The following KCNQ1OT1 variants were observed in gnomAD, a reference collection of about 807,000 sequenced individuals.
The protein encoded by KCNQ1OT1 is KCNQ1 opposite strand/antisense transcript 1, also known as KCNQ1 antisense RNA 2 (non-protein coding).
At chr11:2,693,944 T>G (rs371704240) in exon 1 of KCNQ1OT1, 2 of 398,580 alleles carry the variant, frequency 5.0e-6, no homozygotes, top group Non-Finnish European at 8.8e-6. Context: ...TGAGAACCAC[T>G]CATTCATCAG....
Position 2,682,808 on chromosome 11 carries a change from A to G in KCNQ1OT1, n.17187T>C. On this transcript the variant is annotated non_coding_transcript_exon_variant, in exon 1 of 1. Transcript: ENST00000597346. This position sits in a 1 kb window ranked among gnomAD's most constrained non-coding sequence, Gnocchi z 5.8. ...GGCACCATGAAATGCAGTGACTTGC[A>G]GTGATCCTCCTGGGGCCTTGTATAG... 2.5e-6 allele frequency: 1 copy of G among 398,672 alleles called. No individual in the cohort carries two copies. Among genetic ancestry groups the G allele is most frequent in the South Asian group, 1.3e-4 (1 of 7,862 alleles). The allele number at this position is 398,672 out of a possible 1,614,324, so 24.7% of individuals were successfully genotyped here.
Position 2,613,507 on chromosome 11 carries a change from G to A in KCNQ1OT1, n.86488C>T, listed in dbSNP as rs1371534391. 2 of 398,494 alleles carry A rather than the reference G, an allele frequency of 5.0e-6. No homozygotes were observed. The highest frequency in any genetic ancestry group is 8.8e-6 in the Non-Finnish European group (2 of 226,042). The allele number at this position is 398,494 out of a possible 1,614,324, so 24.7% of individuals were successfully genotyped here. A position where few individuals can be genotyped will look rare whatever the true frequency, so the allele number is the denominator to read the frequency against. The stretch of plus-strand genomic sequence containing the variant: ...TCAAGCCTACCGTGCCCCTGAGCTT[G>A]GGTGGGGAGATGGCAGCCCCACGTT... On this transcript the variant is annotated non_coding_transcript_exon_variant, in exon 1 of 1. Coordinates refer to ENST00000597346, the Ensembl canonical transcript of KCNQ1OT1. The surrounding 1 kb of genome is among the most constrained non-coding windows in gnomAD (Gnocchi z 4.8).
chr11:2,621,360 A>G lies in KCNQ1OT1; in HGVS notation n.78635T>C, dbSNP rs927323934. The G allele has an allele frequency of 1.0e-5, 4 of 398,430 alleles. No homozygotes were observed. Among genetic ancestry groups the G allele is most frequent in the Non-Finnish European group, 1.8e-5 (4 of 226,052 alleles). The allele number at this position is 398,430 out of a possible 1,614,324, so 24.7% of individuals were successfully genotyped here. ...TTCTGTATTTTCTTTTAAGAAATGTATGTTCCTGTCCTTTGCCAATTCAAT... is the reference window on the plus strand; with the variant it reads ...TTCTGTATTTTCTTTTAAGAAATGTGTGTTCCTGTCCTTTGCCAATTCAAT... On this transcript the variant is annotated non_coding_transcript_exon_variant, in exon 1 of 1. Coordinates refer to ENST00000597346, the Ensembl canonical transcript of KCNQ1OT1. This position sits in a 1 kb window ranked among gnomAD's most constrained non-coding sequence, Gnocchi z 5.7.
Position 2,645,791 on chromosome 11 carries a change from G to T in KCNQ1OT1, n.54204C>A, listed in dbSNP as rs1590002248. ...GTGGGGCCCACAGCAGATGCAGTCT[G>T]GTGGGGGTTGGGCTATCAAAATGGG... On this transcript the variant is annotated non_coding_transcript_exon_variant, in exon 1 of 1. Coordinates refer to ENST00000597346, the Ensembl canonical transcript of KCNQ1OT1. The surrounding 1 kb of genome is among the most constrained non-coding windows in gnomAD (Gnocchi z 5.8). 18 of 398,732 alleles carry T rather than the reference G, an allele frequency of 4.5e-5. No homozygotes were observed. The East Asian group carries it at 6.4e-4, about 14-fold the overall frequency. 24.7% of individuals were successfully genotyped at this position (398,732 alleles called of 1,614,324 possible).
rs190337886 is a variant in KCNQ1OT1 at position 2,669,110 on chromosome 11, T to C, written n.30885A>G. The C allele has an allele frequency of 3.5e-3, 1,414 of 398,712 alleles. 14 individuals are homozygous for C. The highest frequency in any genetic ancestry group is 0.018 in the African/African-American group (880 of 48,756). The allele number at this position is 398,712 out of a possible 1,614,324, so 24.7% of individuals were successfully genotyped here. A position where few individuals can be genotyped will look rare whatever the true frequency, so the allele number is the denominator to read the frequency against. On this transcript the variant is annotated non_coding_transcript_exon_variant, in exon 1 of 1. Coordinates refer to ENST00000597346, the Ensembl canonical transcript of KCNQ1OT1. This position sits in a 1 kb window ranked among gnomAD's most constrained non-coding sequence, Gnocchi z 5.6. ...CTTTACAATCAGCTCACTGGCTACG[T>C]GTGGCTCTGTTTCTGGACCCTATTG... is the stretch of plus-strand genomic sequence containing the variant.
exon 1 of KCNQ1OT1, chr11:2,684,767 G>A: frequency 2.5e-6 from 1 of 398,648 alleles, no homozygotes; most frequent in Non-Finnish European, 4.4e-6. Context: ...AGGGAGGACT[G>A]CCTCCCAGCC....
Position 2,620,825 on chromosome 11 carries a change from C to G in KCNQ1OT1, n.79170G>C, listed in dbSNP as rs1176906702. The G allele has an allele frequency of 5.0e-6, 2 of 398,488 alleles. No homozygotes were observed. The highest frequency in any genetic ancestry group is 8.8e-6 in the Non-Finnish European group (2 of 226,092). The allele number at this position is 398,488 out of a possible 1,614,324, so 24.7% of individuals were successfully genotyped here. ...CCTGCCAACAGTGTATAAGCGTTCC[C>G]TTTTCTCTGCAGCCTTCCCAGCAAC... On this transcript the variant is annotated non_coding_transcript_exon_variant, in exon 1 of 1. Transcript: ENST00000597346. This position sits in a 1 kb window ranked among gnomAD's most constrained non-coding sequence, Gnocchi z 4.5.
exon 1 of KCNQ1OT1, chr11:2,686,325 C>A (rs1850489171): frequency 2.5e-6 from 1 of 398,726 alleles, no homozygotes; most frequent in East Asian, 3.6e-5. Context: ...CCTGGCCCGT[C>A]CCACCTGTTC....
At position 2,679,148 on chromosome 11, in the gene KCNQ1OT1, T is replaced by G. The variant is rs1564855679; in HGVS notation, n.20847A>C. The G allele has an allele frequency of 2.5e-6, 1 of 398,660 alleles. No homozygotes were observed. Among genetic ancestry groups the G allele is most frequent in the Non-Finnish European group, 4.4e-6 (1 of 226,084 alleles). The allele number at this position is 398,660 out of a possible 1,614,324, so 24.7% of individuals were successfully genotyped here. A position where few individuals can be genotyped will look rare whatever the true frequency, so the allele number is the denominator to read the frequency against. On this transcript the variant is annotated non_coding_transcript_exon_variant, in exon 1 of 1. Coordinates refer to ENST00000597346, the Ensembl canonical transcript of KCNQ1OT1. This position sits in a 1 kb window ranked among gnomAD's most constrained non-coding sequence, Gnocchi z 4.8. ...GCCAAAATGGTTTCATGGCATGAGT[T>G]GGGCAGCAGCGACTCAGTTTCCATG...
At chr11:2,641,715 A>G (rs146547539) in exon 1 of KCNQ1OT1, 47 of 398,462 alleles carry the variant, frequency 1.2e-4, no homozygotes, top group African/African-American at 7.6e-4. Flanking sequence ...CCCTAGACCA[A>G]TGTCCTAAAG....
chr11:2,620,986 T>A lies in KCNQ1OT1; in HGVS notation n.79009A>T. 2.5e-6 allele frequency: 1 copy of A among 397,958 alleles called. No individual in the cohort carries two copies. Among genetic ancestry groups the A allele is most frequent in the Non-Finnish European group, 4.4e-6 (1 of 226,032 alleles). The allele number at this position is 397,958 out of a possible 1,614,324, so 24.7% of individuals were successfully genotyped here. On this transcript the variant is annotated non_coding_transcript_exon_variant, in exon 1 of 1. Transcript: ENST00000597346. This position sits in a 1 kb window ranked among gnomAD's most constrained non-coding sequence, Gnocchi z 4.5. ...TGTTTTTTGCTTTTTTGTTTGTTTG[T>A]TTGTTTTTTGAGAAAGAGTCTTGCT...
exon 1 of KCNQ1OT1, chr11:2,640,265 T>G: frequency 2.5e-6 from 1 of 397,596 alleles, no homozygotes; most frequent in Non-Finnish European, 4.4e-6. Flanking sequence ...CTACCTCAGT[T>G]GGAAATGCAG....
rs1849090182 is a variant in KCNQ1OT1 at position 2,617,693 on chromosome 11, T to A, written n.82302A>T. ...CAGTCCCACCAACACTGTACAAGAG[T>A]TCCCTAACCCTAGCCAACACTTAAT... is the stretch of plus-strand genomic sequence containing the variant. On this transcript the variant is annotated non_coding_transcript_exon_variant, in exon 1 of 1. Coordinates refer to ENST00000597346, the Ensembl canonical transcript of KCNQ1OT1. The surrounding 1 kb of genome is among the most constrained non-coding windows in gnomAD (Gnocchi z 4.6). The A allele has an allele frequency of 2.5e-6, 1 of 398,268 alleles. No homozygotes were observed. The highest frequency in any genetic ancestry group is 2.1e-5 in the African/African-American group (1 of 48,568). 24.7% of individuals were successfully genotyped at this position (398,268 alleles called of 1,614,324 possible).
At chr11:2,648,312 T>G (rs978622314) in exon 1 of KCNQ1OT1, 6 of 398,516 alleles carry the variant, frequency 1.5e-5, no homozygotes, top group Non-Finnish European at 2.2e-5. Context: ...CCTTCTAATT[T>G]TAGGTTTGAT....
rs953392286 is a variant in KCNQ1OT1, at chr11:2,624,279, T to C, written n.75716A>G. The stretch of plus-strand genomic sequence containing the variant: ...TGTAATCAGATTGTTTGTTTTCTAA[T>C]TGTTATGTTTTTAAGGTTCTTTATA... On this transcript the variant is annotated non_coding_transcript_exon_variant, in exon 1 of 1. Transcript: ENST00000597346. This position sits in a 1 kb window ranked among gnomAD's most constrained non-coding sequence, Gnocchi z 4.9. 5 of 398,488 alleles carry C rather than the reference T, an allele frequency of 1.3e-5. No individual in the cohort carries two copies. The highest frequency in any genetic ancestry group is 2.1e-5 in the African/African-American group (1 of 48,644). 24.7% of individuals were successfully genotyped at this position (398,488 alleles called of 1,614,324 possible).
chr11:2,660,090 T>C (rs1205599323), exon 1 of KCNQ1OT1: 19 of 393,292 alleles, frequency 4.8e-5, no homozygotes, highest in Non-Finnish European at 7.2e-5. Flanking sequence ...GTTAAACTTT[T>C]GGTTTCGTAT....
Position 2,695,220 on chromosome 11 carries a change from T to C in KCNQ1OT1, n.4775A>G, listed in dbSNP as rs777554147. 4 of 398,516 alleles carry C rather than the reference T, an allele frequency of 1.0e-5. No individual in the cohort carries two copies. The highest frequency in any genetic ancestry group is 1.8e-5 in the Non-Finnish European group (4 of 226,100). The allele number at this position is 398,516 out of a possible 1,614,324, so 24.7% of individuals were successfully genotyped here. A position where few individuals can be genotyped will look rare whatever the true frequency, so the allele number is the denominator to read the frequency against. ...CACTGTCACCCTGTAAGGGTCTGCA[T>C]AAAGTCACCGCTCTCTTCCTCTCCA... is the stretch of plus-strand genomic sequence containing the variant. On this transcript the variant is annotated non_coding_transcript_exon_variant, in exon 1 of 1. Coordinates refer to ENST00000597346, the Ensembl canonical transcript of KCNQ1OT1. The surrounding 1 kb of genome is among the most constrained non-coding windows in gnomAD (Gnocchi z 5.2).
exon 1 of KCNQ1OT1, chr11:2,681,496 T>G (rs1481823654): frequency 7.5e-6 from 3 of 398,392 alleles, no homozygotes; most frequent in Non-Finnish European, 1.3e-5. Flanking sequence ...TGGGACTTAG[T>G]AAAGTCAAAC....
At chr11:2,699,803 G>C in exon 1 of KCNQ1OT1, 1 of 397,504 alleles carries the variant, frequency 2.5e-6, no homozygotes, top group Non-Finnish European at 4.4e-6. Flanking sequence ...GGGGCGCGCC[G>C]GGGAGAACCA....
Sources: allele counts gnomAD v4.1 joint callset, GRCh38; gene constraint gnomAD v4.1.1; non-coding constraint Gnocchi (gnomAD v3.1); transcripts MANE v1.5; gene names NCBI Gene and HGNC (gene_info 2026-07-23, HGNC 2026-07-21).